Variants in ORC4 observed in about 807,000 individuals in gnomAD.
The protein encoded by ORC4 is origin recognition complex subunit 4, also known as origin recognition complex, subunit 4 homolog.
In ORC4, 55 loss-of-function variants were observed where a neutral mutation model predicts 63.9. The ratio of observed to expected loss-of-function variants is 0.86; its 90% CI spans 0.69 to 1.08. ORC4 has a LOEUF of 1.08. ORC4 is among the 50% of genes least tolerant of loss of function. The pLI, the probability that ORC4 is intolerant of heterozygous loss-of-function variation, is 0.00. For synonymous variants in ORC4, 150 were observed against 168.5 expected, an observed-to-expected ratio of 0.89 and a Z score of 0.85; for missense variants, 511 against 504.4, an observed-to-expected ratio of 1.01 and a Z score of -0.13.
chr2:148,019,538 G>C (rs1693549073), intron 1 of ORC4, among the ~76,000 whole-genome samples: 1 of 152,248 alleles, frequency 6.6e-6, no homozygotes, highest in African/African-American at 2.4e-5. Context: ...GTTGCAGTGA[G>C]CCGAGATCGC....
At chr2:147,987,028 C>G (rs960058834) in intron 1 of ORC4, among the ~76,000 whole-genome samples, 4 of 151,708 alleles carry the variant, frequency 2.6e-5, no homozygotes, top group Non-Finnish European at 5.9e-5. Flanking sequence ...AAAAAAGGAA[C>G]TTAAAACTAT....
rs1385084835 is a variant in ORC4, at chr2:147,958,865, A to C, written c.227T>G (p.Leu76Ter). 8.4e-7 allele frequency: 1 copy of C among 1,196,452 alleles called. No individual in the cohort carries two copies. Among genetic ancestry groups the C allele is most frequent in the Non-Finnish European group, 1.2e-6 (1 of 804,712 alleles). The allele number at this position is 1,196,452 out of a possible 1,614,324, so 74.1% of individuals were successfully genotyped here. A position where few individuals can be genotyped will look rare whatever the true frequency, so the allele number is the denominator to read the frequency against. The part of the protein sequence containing the change: ...IGPRGSGKTM[L>*]INHALKELME... Reference sequence around the variant, plus strand: ...GAGTTCTTTCAAAGCATGATTTATTAACTAAATATGAAAAGTTTATGAAAT... The same window carrying C: ...GAGTTCTTTCAAAGCATGATTTATTCACTAAATATGAAAAGTTTATGAAAT... Residue 76 changes from leucine to a stop codon, truncating the protein, a stop_gained and splice_region_variant, in exon 5 of 14, where the codon TTA (leucine) becomes TGA (stop). Transcript: ENST00000392857. LOFTEE classifies it high-confidence loss of function.
intron 7 of ORC4, among the ~76,000 whole-genome samples, chr2:147,954,061 T>C (rs1343742072): frequency 1.3e-5 from 2 of 150,866 alleles, no homozygotes; most frequent in African/African-American, 4.8e-5. Flanking sequence ...TACAAATATA[T>C]ATATATATTA....
rs965613067 is a variant in ORC4 at position 147,960,265 on chromosome 2, C to G, written c.226-1399G>C. ...ACTTTAAACACCAACTTATGCTTTG[C>G]TTGGATCAGCCCACTAATATTTTAT... On this transcript the variant is annotated intron_variant, in intron 4 of 13. Coordinates refer to ENST00000392857, the MANE Select transcript of ORC4 (RefSeq NM_181741.4). The G allele has an allele frequency of 1.8e-5, 18 of 985,214 alleles. No homozygotes were observed. The Admixed American group carries it at 1.1e-3, about 61-fold the overall frequency. The allele number at this position is 985,214 out of a possible 1,614,324, so 61.0% of individuals were successfully genotyped here. A position where few individuals can be genotyped will look rare whatever the true frequency, so the allele number is the denominator to read the frequency against.
At chr2:148,021,401 G>T, upstream of ORC4, 1 of 497,348 alleles carries the variant, frequency 2.0e-6, no homozygotes, top group Admixed American at 2.3e-5. Flanking sequence ...CTCTTTGGCC[G>T]TGAGAGGAGG....
intron 1 of ORC4, among the ~76,000 whole-genome samples, chr2:147,986,782 C>G (rs1400653631): frequency 1.0e-5 from 1 of 99,722 alleles, no homozygotes; most frequent in Admixed American, 1.0e-4. Context: ...TACAGACACA[C>G]ACACACATAC....
At chr2:147,995,139 C>T (rs1485620319) in intron 1 of ORC4, among the ~76,000 whole-genome samples, 2 of 151,112 alleles carry the variant, frequency 1.3e-5, no homozygotes, top group African/African-American at 4.9e-5. Context: ...CCAATCAGCA[C>T]TCTGTAAAAA....
intron 1 of ORC4, among the ~76,000 whole-genome samples, chr2:147,986,049 AT>A (rs748520524): frequency 1.3e-5 from 2 of 152,146 alleles, no homozygotes; most frequent in Non-Finnish European, 2.9e-5. Flanking sequence ...AATACCAACA[AT>A]TCACTTCTCT....
At position 147,932,569 on chromosome 2, in the gene ORC4, C is replaced by G. The variant is rs1329645544; in HGVS notation, c.*2941G>C. On this transcript the variant is annotated 3_prime_UTR_variant, in exon 14 of 14. Coordinates refer to ENST00000392857, the MANE Select transcript of ORC4 (RefSeq NM_181741.4). ...ACTTACAGTGAGGCTTACACCTTGA[C>G]AACTGCAAGAATGAGGATAGTGGTG... 2.0e-5 allele frequency: 3 copies of G among 152,128 alleles called. No homozygotes were observed. The highest frequency in any genetic ancestry group is 4.4e-5 in the Non-Finnish European group (3 of 68,022). 9.4% of individuals were successfully genotyped at this position (152,128 alleles called of 1,614,324 possible).
Position 147,952,490 on chromosome 2 carries a change from T to C in ORC4, c.471A>G (p.Ile157Met), listed in dbSNP as rs762410323. 5 of 1,611,700 alleles carry C rather than the reference T, an allele frequency of 3.1e-6. No homozygotes were observed. The highest frequency in any genetic ancestry group is 4.2e-6 in the Non-Finnish European group (5 of 1,177,850). Residue 157 changes from isoleucine to methionine, a missense_variant, in exon 8 of 14, where the codon ATA (isoleucine) becomes ATG (methionine). Physicochemically the swap from Ile to Met is conservative, Grantham distance 10 (BLOSUM62 1). Transcript: ENST00000392857. Reference sequence around the variant, plus strand: ...GAGCAAAAAGATCAAATTCATCTAATATGAAGATCACTGGGCAACTGCTAG... The same window carrying C: ...GAGCAAAAAGATCAAATTCATCTAACATGAAGATCACTGGGCAACTGCTAG... Reference protein sequence around the residue: ...DRTSSCPVIFILDEFDLFAHH... With the variant: ...DRTSSCPVIFMLDEFDLFAHH...
chr2:148,014,018 C>G (rs1265806716), intron 1 of ORC4, among the ~76,000 whole-genome samples: 1 of 152,062 alleles, frequency 6.6e-6, no homozygotes, highest in Non-Finnish European at 1.5e-5. Context: ...AAAGGCTGAG[C>G]TAATGGAAGA....
chr2:148,011,507 G>A (rs917242492), intron 1 of ORC4, among the ~76,000 whole-genome samples: 1 of 152,174 alleles, frequency 6.6e-6, no homozygotes, highest in African/African-American at 2.4e-5. Context: ...CAAACCCACA[G>A]TTAGTATCAG....
intron 1 of ORC4, among the ~76,000 whole-genome samples, chr2:147,993,190 C>G (rs1466979366): frequency 6.6e-6 from 1 of 152,112 alleles, no homozygotes; most frequent in Non-Finnish European, 1.5e-5. Flanking sequence ...TCCCATGTCA[C>G]GTAACACCAA....
chr2:147,994,157 A>T (rs1213690014), intron 1 of ORC4, among the ~76,000 whole-genome samples: 2 of 152,250 alleles, frequency 1.3e-5, no homozygotes, highest in African/African-American at 2.4e-5. Flanking sequence ...AAATCTAACA[A>T]AATATGTACA....
intron 9 of ORC4, 38 bp downstream of exon 9, chr2:147,948,013 T>TA (rs1688748887): frequency 2.6e-6 from 4 of 1,521,360 alleles, no homozygotes; most frequent in Non-Finnish European, 2.7e-6. Flanking sequence ...TTAAATCATA[T>TA]AGCAAGGAAC....
rs1187115041 is a variant in ORC4, at chr2:147,932,037, A to G, written c.*3473T>C. On this transcript the variant is annotated 3_prime_UTR_variant, in exon 14 of 14. Coordinates refer to ENST00000392857, the MANE Select transcript of ORC4 (RefSeq NM_181741.4). Reference sequence around the variant, plus strand: ...AAATTGTCCGTTTGCAGACGACATGATTGTATATCTAGAAAACCCCATCGT... The same window carrying G: ...AAATTGTCCGTTTGCAGACGACATGGTTGTATATCTAGAAAACCCCATCGT... 2.0e-5 allele frequency: 3 copies of G among 152,044 alleles called. No individual in the cohort carries two copies. The highest frequency in any genetic ancestry group is 2.9e-5 in the Non-Finnish European group (2 of 68,020). 9.4% of individuals were successfully genotyped at this position (152,044 alleles called of 1,614,324 possible). A position where few individuals can be genotyped will look rare whatever the true frequency, so the allele number is the denominator to read the frequency against.
At chr2:147,956,644 G>A (rs535883692) in intron 6 of ORC4, among the ~76,000 whole-genome samples, 1 of 151,990 alleles carries the variant, frequency 6.6e-6, no homozygotes, top group South Asian at 2.1e-4. Flanking sequence ...TTCTATAGCA[G>A]TATTTCTCTA....
intron 9 of ORC4, among the ~76,000 whole-genome samples, chr2:147,946,792 C>A (rs1308387647): frequency 6.6e-6 from 1 of 151,818 alleles, no homozygotes; most frequent in East Asian, 1.9e-4. Flanking sequence ...GGCTTTGAGT[C>A]CTTTATGTAA....
Position 147,930,852 on chromosome 2 carries a change from CTATGT to C in ORC4, c.*4653_*4657del, listed in dbSNP as rs1687681616. ...ATTTGCATATGCAGTTTTTCTTTAG[CTATGT>C]TTTTTTTTTTTTTTATACTTTAAGT... On this transcript the variant is annotated 3_prime_UTR_variant, in exon 14 of 14. Transcript: ENST00000392857. The C allele has an allele frequency of 7.7e-6, 1 of 130,562 alleles. No individual in the cohort carries two copies. Among genetic ancestry groups the C allele is most frequent in the Non-Finnish European group, 1.6e-5 (1 of 63,014 alleles). 8.1% of individuals were successfully genotyped at this position (130,562 alleles called of 1,614,324 possible).
Sources: gnomAD v4.1 joint callset for allele counts (sites outside exome capture counted in the v4.1 genomes callset) on GRCh38, gnomAD v4.1.1 for gene constraint, MANE v1.5 for transcripts, NCBI Gene and HGNC (gene_info 2026-07-23, HGNC 2026-07-21) for gene names.